Variants in FRMD4A observed in about 807,000 individuals in gnomAD.
The protein encoded by FRMD4A is FERM domain-containing protein 4A.
Under a neutral mutation model 129.1 loss-of-function variants are expected in FRMD4A, and 29 were observed. The observed-to-expected ratio is 0.22, with a 90% CI of 0.17 to 0.31. The LOEUF (loss-of-function observed/expected upper bound fraction) is 0.31, where lower values mean the gene tolerates loss of function less well. Ranked by LOEUF, FRMD4A falls within the 10% of genes least tolerant of loss-of-function variation. The pLI is 1.00. For synonymous variants in FRMD4A, 634 were observed against 571.6 expected (o/e 1.11, Z -1.56); for missense variants, 1,272 against 1,375.8 (o/e 0.92, Z 1.19).
intron 5 of FRMD4A, among the ~76,000 whole-genome samples, chr10:13,791,970 A>G (rs995071419): frequency 2.6e-5 from 4 of 152,196 alleles, no homozygotes; most frequent in Admixed American, 2.6e-4. Flanking sequence ...AGTGAGACCA[A>G]CAGCAGATGT....
chr10:13,837,306 A>G (rs2093891902), intron 3 of FRMD4A, among the ~76,000 whole-genome samples: 1 of 152,178 alleles, frequency 6.6e-6, no homozygotes, highest in Admixed American at 6.5e-5. Context: ...TGAGCTGCAA[A>G]GAAACTTCTC....
At chr10:14,312,618 G>C (rs1033918858) in intron 2 of FRMD4A, among the ~76,000 whole-genome samples, 2 of 152,156 alleles carry the variant, frequency 1.3e-5, no homozygotes, top group Admixed American at 6.5e-5. Context: ...ATGAGGGATT[G>C]ATTAAATAAA....
intron 2 of FRMD4A, among the ~76,000 whole-genome samples, chr10:14,316,712 G>A (rs1027238200): frequency 6.6e-6 from 1 of 152,100 alleles, no homozygotes; most frequent in Non-Finnish European, 1.5e-5. Context: ...GTTGCTGCAG[G>A]CAGCAATCTG....
chr10:13,957,951 C>G (rs189506089), intron 2 of FRMD4A, among the ~76,000 whole-genome samples: 3 of 152,068 alleles, frequency 2.0e-5, no homozygotes, highest in African/African-American at 7.2e-5. Context: ...AAAACCCTCC[C>G]CTCTCTAAGA....
chr10:14,182,368 T>C (rs1841940748), intron 2 of FRMD4A, among the ~76,000 whole-genome samples: 1 of 152,124 alleles, frequency 6.6e-6, no homozygotes, highest in South Asian at 2.1e-4. Context: ...AAGAAGACAC[T>C]GTCTCTACAA....
Position 13,911,986 on chromosome 10 carries a change from G to T in FRMD4A, c.46-53074C>A, listed in dbSNP as rs1284333892. Among the ~76,000 whole-genome samples, 4 of 152,214 alleles carry T rather than the reference G, an allele frequency of 2.6e-5. No homozygotes were observed. In the East Asian group the frequency reaches 7.7e-4, roughly 29 times the overall value. Reference sequence around the variant, plus strand: ...AATACTGAAGCACCCAAACAGAGAAGAGAAAGTTTCTAGAAACTGAATCTG... The same window carrying T: ...AATACTGAAGCACCCAAACAGAGAATAGAAAGTTTCTAGAAACTGAATCTG... On this transcript the variant is annotated intron_variant, in intron 2 of 24. Coordinates refer to ENST00000357447, the MANE Select transcript of FRMD4A (RefSeq NM_018027.5).
chr10:14,058,124 G>A (rs888676586), intron 2 of FRMD4A, among the ~76,000 whole-genome samples: 1 of 152,228 alleles, frequency 6.6e-6, no homozygotes, highest in Non-Finnish European at 1.5e-5. Context: ...GGAGAGAAAT[G>A]ATTAGGAAAG....
chr10:13,780,809 C>T (rs2130775120), intron 6 of FRMD4A, among the ~76,000 whole-genome samples: 1 of 152,094 alleles, frequency 6.6e-6, no homozygotes, highest in East Asian at 1.9e-4. Context: ...ATAGAAGTAC[C>T]CTATGATCTG....
Position 13,810,339 on chromosome 10 carries a change from C to T in FRMD4A, c.206+475G>A, listed in dbSNP as rs114818604. Among the ~76,000 whole-genome samples, 623 of 152,242 alleles carry T rather than the reference C, an allele frequency of 4.1e-3. 6 individuals are homozygous for T. Among genetic ancestry groups the T allele is most frequent in the African/African-American group, 0.014 (597 of 41,550 alleles). Reference sequence around the variant, plus strand: ...AAAGCAAATATTCTTCTCATCAGATCAGTGATCTGAATTTTTTATTTTCAT... The same window carrying T: ...AAAGCAAATATTCTTCTCATCAGATTAGTGATCTGAATTTTTTATTTTCAT... On this transcript the variant is annotated intron_variant, in intron 4 of 24. Coordinates refer to ENST00000357447, the MANE Select transcript of FRMD4A (RefSeq NM_018027.5).
At chr10:14,275,755 G>A (rs1297500466) in intron 2 of FRMD4A, among the ~76,000 whole-genome samples, 1 of 152,164 alleles carries the variant, frequency 6.6e-6, no homozygotes, top group Non-Finnish European at 1.5e-5. Flanking sequence ...AAAATGGTGA[G>A]TGGCCGGGAG....
intron 19 of FRMD4A, among the ~76,000 whole-genome samples, chr10:13,660,773 T>G (rs962047577): frequency 6.6e-6 from 1 of 152,136 alleles, no homozygotes; most frequent in African/African-American, 2.4e-5. Context: ...GCAGGCGGGA[T>G]TGCATGGGAA....
intron 2 of FRMD4A, among the ~76,000 whole-genome samples, chr10:14,066,007 T>TG (rs1324105184): frequency 0.033 from 4,479 of 134,046 alleles, 239 homozygotes; most frequent in African/African-American, 0.12. Flanking sequence ...GGGGTATGTA[T>TG]TTGTGTGTGT....
intron 2 of FRMD4A, among the ~76,000 whole-genome samples, chr10:13,925,666 T>G (rs1589292086): frequency 7.4e-6 from 1 of 135,488 alleles, no homozygotes; most frequent in Admixed American, 8.1e-5. Context: ...TCACTGCAAC[T>G]TCCGCCTCCC....
At chr10:14,250,353 G>C (rs562292650) in intron 2 of FRMD4A, among the ~76,000 whole-genome samples, 3 of 152,316 alleles carry the variant, frequency 2.0e-5, no homozygotes, top group African/African-American at 7.2e-5. Context: ...AAAGAAAGAG[G>C]AAGCATAGAA....
At chr10:14,068,143 CA>C (rs1318953979) in intron 2 of FRMD4A, among the ~76,000 whole-genome samples, 2 of 152,218 alleles carry the variant, frequency 1.3e-5, no homozygotes, top group Admixed American at 1.3e-4. Context: ...CAAACACTAA[CA>C]TCTTAGCAGG....
At chr10:13,876,381 C>A (rs923763964) in intron 2 of FRMD4A, among the ~76,000 whole-genome samples, 1 of 152,202 alleles carries the variant, frequency 6.6e-6, no homozygotes, top group Non-Finnish European at 1.5e-5. Context: ...TTAGTACAGA[C>A]TGATAGGCAC....
chr10:14,318,778 T>C (rs2132116429), intron 2 of FRMD4A, among the ~76,000 whole-genome samples: 1 of 152,342 alleles, frequency 6.6e-6, no homozygotes, highest in East Asian at 1.9e-4. Flanking sequence ...ACATACCCTG[T>C]GGTGGCTTGA....
chr10:13,670,942 C>T (rs979351330), intron 16 of FRMD4A, among the ~76,000 whole-genome samples: 2 of 152,114 alleles, frequency 1.3e-5, no homozygotes, highest in African/African-American at 4.8e-5. Context: ...CTCCAAATCC[C>T]GTGCTCTTGA....
At chr10:13,868,370 C>T (rs769976025) in intron 2 of FRMD4A, among the ~76,000 whole-genome samples, 4 of 152,054 alleles carry the variant, frequency 2.6e-5, no homozygotes, top group East Asian at 1.9e-4. Context: ...AGTAAGATGA[C>T]GATGGAAGGA....
Sources: gnomAD v4.1 joint callset for allele counts (sites outside exome capture counted in the v4.1 genomes callset) on GRCh38, gnomAD v4.1.1 for gene constraint, MANE v1.5 for transcripts, NCBI Gene and HGNC (gene_info 2026-07-23, HGNC 2026-07-21) for gene names.